Variants in TMEM248 observed in about 807,000 individuals in gnomAD.
The protein encoded by TMEM248 is UPF0458 protein C7orf42.
TMEM248 carries 9 observed loss-of-function variants against 30.3 expected under a neutral mutation model. The observed-to-expected ratio is 0.30, with a 90% CI of 0.18 to 0.52. The LOEUF is 0.52. Among genes scored for constraint, TMEM248 ranks in the 20% least tolerant of loss-of-function variants. The pLI, the probability that TMEM248 is intolerant of heterozygous loss-of-function variation, is 0.97. For missense variants in TMEM248, 338 were observed against 403.3 expected (o/e 0.84, Z 1.39); for synonymous variants, 184 against 154.4 (o/e 1.19, Z -1.42).
intron 1 of TMEM248, among the ~76,000 whole-genome samples, chr7:66,925,296 A>G (rs1791494921): frequency 6.6e-6 from 1 of 152,174 alleles, no homozygotes; most frequent in Non-Finnish European, 1.5e-5. Flanking sequence ...GCTAGCATTA[A>G]AGGTGTGAGC....
In TMEM248 at chr7:66,941,950, G is replaced by C; in HGVS notation, c.85G>C (p.Ala29Pro). 6.2e-7 allele frequency: 1 copy of C among 1,614,126 alleles called. No homozygotes were observed. The highest frequency in any genetic ancestry group is 8.5e-7 in the Non-Finnish European group (1 of 1,180,026). ...PLVVFMISVS[A>P]MAIAFLTLGY... ...GGTGGTCTTCATGATCAGCGTAAGC[G>C]CCATGGCCATAGCTTTCCTGACCCT... is the stretch of plus-strand genomic sequence containing the variant. The change falls in exon 2 of 7, where the codon GCC (alanine) becomes CCC (proline). Residue 29 changes from alanine to proline, a missense_variant. Transcript: ENST00000341567.
At chr7:66,946,411 C>T (rs1457575780) in intron 3 of TMEM248, among the ~76,000 whole-genome samples, 8 of 152,008 alleles carry the variant, frequency 5.3e-5, no homozygotes, top group Admixed American at 5.2e-4. Flanking sequence ...AACCCCATCT[C>T]TACTAAAAAT....
chr7:66,944,168 G>A (rs1213900298), intron 2 of TMEM248, among the ~76,000 whole-genome samples: 12 of 144,126 alleles, frequency 8.3e-5, no homozygotes, highest in Non-Finnish European at 1.0e-4. Context: ...GCAGTGGCAC[G>A]ATCTCCTCTC....
chr7:66,941,412 G>A (rs921966138), intron 1 of TMEM248, among the ~76,000 whole-genome samples: 2 of 151,360 alleles, frequency 1.3e-5, no homozygotes, highest in Non-Finnish European at 2.9e-5. Context: ...AAAATTAGCC[G>A]GGCATAGTGG....
intron 2 of TMEM248, among the ~76,000 whole-genome samples, chr7:66,944,103 C>CT (rs397891070): frequency 0.032 from 3,540 of 112,336 alleles, 85 homozygotes; most frequent in Non-Finnish European, 0.037. Flanking sequence ...CCTCAGATGG[C>CT]TTTTTTTTTT....
At chr7:66,951,719 C>G (rs1792273880) in intron 5 of TMEM248, among the ~76,000 whole-genome samples, 1 of 151,852 alleles carries the variant, frequency 6.6e-6, no homozygotes. Flanking sequence ...GCTCTGTCGC[C>G]CAGATTGGGG....
chr7:66,953,667 C>G (rs1034935034), intron 6 of TMEM248, among the ~76,000 whole-genome samples: 1 of 151,932 alleles, frequency 6.6e-6, no homozygotes, highest in Non-Finnish European at 1.5e-5. Context: ...TGCAGTGGCA[C>G]TATCTTGGCT....
chr7:66,922,912 G>A (rs147669360), intron 1 of TMEM248, among the ~76,000 whole-genome samples: 2,303 of 152,116 alleles, frequency 0.015, 61 homozygotes, highest in East Asian at 0.092. Context: ...CACCATGTTG[G>A]CCAGGCTGGT....
At chr7:66,943,612 T>G (rs915984889) in intron 2 of TMEM248, among the ~76,000 whole-genome samples, 1 of 152,196 alleles carries the variant, frequency 6.6e-6, no homozygotes, top group Non-Finnish European at 1.5e-5. Flanking sequence ...TCTAGGATTA[T>G]GAAGGACTGA....
At chr7:66,935,271 C>G (rs1024877325) in intron 1 of TMEM248, among the ~76,000 whole-genome samples, 1 of 151,176 alleles carries the variant, frequency 6.6e-6, no homozygotes, top group African/African-American at 2.4e-5. Context: ...CAACCTCCAC[C>G]TCCTGGGTTC....
Position 66,944,991 on chromosome 7 carries a change from C to T in TMEM248, c.175C>T (p.Leu59=). The T allele has an allele frequency of 6.2e-7, 1 of 1,614,104 alleles. No individual in the cohort carries two copies. Residue 59 remains leucine, a synonymous_variant, in exon 3 of 7, where the codon CTG becomes TTG. Transcript: ENST00000341567. ...PEMAEDWNTF[L]LRFNDLDLCV... ...TTTCCCAAAGGATTGGAATACTTTT[C>T]TGCTACGGTTCAATGATTTGGACTT... is the stretch of plus-strand genomic sequence containing the variant.
chr7:66,933,072 C>G (rs967835289), intron 1 of TMEM248, among the ~76,000 whole-genome samples: 4 of 152,130 alleles, frequency 2.6e-5, no homozygotes, highest in African/African-American at 7.2e-5. Context: ...GTTGCCCTGG[C>G]TGGTCTCGAA....
rs1222256897 is a variant in TMEM248 at position 66,945,014 on chromosome 7, C to T, written c.198C>T (p.Asp66=). ...TTCTGCTACGGTTCAATGATTTGGA[C>T]TTGTGTGTATCAGAGAATGAAACCC... ...NTFLLRFNDL[D]LCVSENETLK... The change falls in exon 3 of 7, where the codon GAC becomes GAT. Residue 66 remains aspartate (D), a synonymous_variant. Transcript: ENST00000341567. 1.2e-6 allele frequency: 2 copies of T among 1,614,230 alleles called. No individual in the cohort carries two copies. Among genetic ancestry groups the T allele is most frequent in the Admixed American group, 1.7e-5 (1 of 60,024 alleles).
intron 4 of TMEM248, among the ~76,000 whole-genome samples, chr7:66,949,314 C>T (rs957031567): frequency 1.3e-5 from 2 of 152,020 alleles, no homozygotes; most frequent in African/African-American, 2.4e-5. Context: ...TAGTGAAACC[C>T]CATCTCTACT....
In TMEM248 at chr7:66,945,209, C is replaced by T; in HGVS notation, c.393C>T (p.Arg131=). ...DPLKPFGGYS[R]NVTHLYSTIL... is the part of the protein sequence containing the mutation. ...TGAAACCCTTCGGAGGGTATTCCCG[C>T]AACGTCACCCATCTGTACTCAACCA... is the stretch of plus-strand genomic sequence containing the variant. Residue 131 remains arginine, a synonymous_variant, in exon 3 of 7, where the codon CGC becomes CGT. Coordinates refer to ENST00000341567, the MANE Select transcript of TMEM248 (RefSeq NM_017994.5). The T allele has an allele frequency of 6.2e-7, 1 of 1,614,198 alleles. No individual in the cohort carries two copies. The highest frequency in any genetic ancestry group is 8.5e-7 in the Non-Finnish European group (1 of 1,180,040).
chr7:66,944,986 CT>C lies in TMEM248; in HGVS notation c.174del (p.Leu59CysfsTer31). On this transcript the variant is annotated frameshift_variant, in exon 3 of 7. Transcript: ENST00000341567. LOFTEE classifies it high-confidence loss of function. ...TTCACTTTCCCAAAGGATTGGAATACTTTTCTGCTACGGTTCAATGATTTGG... is the reference window on the plus strand; with the variant it reads ...TTCACTTTCCCAAAGGATTGGAATACTTTCTGCTACGGTTCAATGATTTGG... ...KSPEMAEDWN[T>X]FLLRFNDLDL... The C allele has an allele frequency of 6.2e-7, 1 of 1,614,062 alleles. No individual in the cohort carries two copies. Among genetic ancestry groups the C allele is most frequent in the Non-Finnish European group, 8.5e-7 (1 of 1,179,886 alleles).
At chr7:66,940,592 A>C (rs761197191) in intron 1 of TMEM248, among the ~76,000 whole-genome samples, 1 of 152,196 alleles carries the variant, frequency 6.6e-6, no homozygotes, top group Non-Finnish European at 1.5e-5. Flanking sequence ...GATCCTGAAG[A>C]ATAGCAAGTC....
At position 66,957,124 on chromosome 7, in the gene TMEM248, T is replaced by C. The variant is rs1792424550; in HGVS notation, c.*1602T>C. ...ATAACTTTTTGCCTTAATAGCTCAT[T>C]GTCACTAATAACTTCTGTGTTCTCC... On this transcript the variant is annotated 3_prime_UTR_variant, in exon 7 of 7. Transcript: ENST00000341567. The C allele has an allele frequency of 6.6e-6, 1 of 152,664 alleles. No individual in the cohort carries two copies. Among genetic ancestry groups the C allele is most frequent in the Admixed American group, 6.5e-5 (1 of 15,282 alleles). The allele number at this position is 152,664 out of a possible 1,614,324, so 9.5% of individuals were successfully genotyped here.
Position 66,955,707 on chromosome 7 carries a change from C to A in TMEM248, c.*185C>A. ...TATAAAAATCTATTCAGAAATTGGT[C>A]CAATAATGCACGTGCTTTGCCCTGG... On this transcript the variant is annotated 3_prime_UTR_variant, in exon 7 of 7. Transcript: ENST00000341567. 1.3e-6 allele frequency: 1 copy of A among 749,286 alleles called. No individual in the cohort carries two copies. Among genetic ancestry groups the A allele is most frequent in the Non-Finnish European group, 2.1e-6 (1 of 478,200 alleles). The allele number at this position is 749,286 out of a possible 1,614,324, so 46.4% of individuals were successfully genotyped here. A position where few individuals can be genotyped will look rare whatever the true frequency, so the allele number is the denominator to read the frequency against.
Sources: allele counts gnomAD v4.1 joint callset (sites outside exome capture counted in the v4.1 genomes callset), GRCh38; gene constraint gnomAD v4.1.1; transcripts MANE v1.5; gene names NCBI Gene and HGNC (gene_info 2026-07-23, HGNC 2026-07-21).